The following RNF17 variants were observed in gnomAD, a reference collection of about 807,000 sequenced individuals.
RNF17 encodes the protein ring finger protein 17, also known as spermatogenesis associated 23.
RNF17 carries 31 observed loss-of-function variants against 200.5 expected under a neutral mutation model. The observed-to-expected ratio is 0.15, with a 90% CI of 0.12 to 0.21. The LOEUF (loss-of-function observed/expected upper bound fraction) is 0.21, where lower values mean the gene tolerates loss of function less well. RNF17 is among the 10% of genes least tolerant of loss of function. The probability of loss-of-function intolerance (pLI) is 1.00; values close to 1 mark genes in which losing one functional copy is unlikely to be tolerated. For missense variants in RNF17, 1,628 were observed against 1,905.1 expected, an observed-to-expected ratio of 0.85 and a Z score of 2.71; for synonymous variants, 606 against 637.8, an observed-to-expected ratio of 0.95 and a Z score of 0.75.
intron 2 of RNF17, among the ~76,000 whole-genome samples, chr13:24,773,226 A>G (rs2137499257): frequency 6.6e-6 from 1 of 152,330 alleles, no homozygotes; most frequent in South Asian, 2.1e-4. Flanking sequence ...AAAATAAATT[A>G]TTCTGCCAAA....
chr13:24,799,380 T>A lies in RNF17; in HGVS notation c.1400-15T>A. 7.6e-6 allele frequency: 12 copies of A among 1,581,012 alleles called. No individual in the cohort carries two copies. Among genetic ancestry groups the A allele is most frequent in the Non-Finnish European group, 8.6e-6 (10 of 1,158,662 alleles). On this transcript the variant is annotated splice_polypyrimidine_tract_variant and intron_variant, in intron 11 of 35. Transcript: ENST00000255324. ...TGATAAATGTTTATAACGATTTGTT[T>A]CCCTCATTATTTAGGTGCAAGAATA... is the stretch of plus-strand genomic sequence containing the variant.
intron 2 of RNF17, among the ~76,000 whole-genome samples, chr13:24,771,638 CTTTTTT>C (rs11361522): frequency 7.1e-6 from 1 of 140,568 alleles, no homozygotes; most frequent in African/African-American, 2.6e-5. Flanking sequence ...CTAGGTAGGG[CTTTTTT>C]TTTTTTTTCT....
intron 5 of RNF17, among the ~76,000 whole-genome samples, chr13:24,781,485 A>T (rs1000881931): frequency 2.6e-5 from 4 of 151,874 alleles, no homozygotes; most frequent in East Asian, 1.9e-4. Context: ...CCAAAAAAAA[A>T]ATTAGTTGGA....
intron 7 of RNF17, 21 bp from the exon 8 acceptor site, chr13:24,789,327 G>A (rs1407127843): frequency 6.8e-7 from 1 of 1,476,746 alleles, no homozygotes. Flanking sequence ...ACACATGAAT[G>A]ATTTTTTTTT....
intron 18 of RNF17, among the ~76,000 whole-genome samples, chr13:24,838,046 A>G (rs1890198078): frequency 6.6e-6 from 1 of 152,160 alleles, no homozygotes; most frequent in Non-Finnish European, 1.5e-5. Flanking sequence ...AAGATCATTC[A>G]AGGCTGCTAT....
chr13:24,874,436 G>C lies in RNF17; in HGVS notation c.4583+187G>C, dbSNP rs552405101. Among the ~76,000 whole-genome samples the C allele has an allele frequency of 2.1e-5, 3 of 143,960 alleles. No homozygotes were observed. In the South Asian group the frequency reaches 6.7e-4, roughly 32 times the overall value. The allele number at this position is 143,960 out of a possible 152,430, so 94.4% of individuals were successfully genotyped here. Reference sequence around the variant, plus strand: ...TAGCTTTTTTTTTTTTTTTAGATGAGTCTTGCTCTGTTGCCCAGGCTGGAG... The same window carrying C: ...TAGCTTTTTTTTTTTTTTTAGATGACTCTTGCTCTGTTGCCCAGGCTGGAG... On this transcript the variant is annotated intron_variant, in intron 33 of 35. Coordinates refer to ENST00000255324, the MANE Select transcript of RNF17 (RefSeq NM_031277.3).
At chr13:24,836,666 T>A (rs758655320) in intron 18 of RNF17, among the ~76,000 whole-genome samples, 6 of 152,158 alleles carry the variant, frequency 3.9e-5, no homozygotes, top group Non-Finnish European at 8.8e-5. Context: ...GCTGAGAGAA[T>A]TCGCCATTAC....
Position 24,789,766 on chromosome 13 carries a change from C to T in RNF17, c.929C>T (p.Ser310Leu), listed in dbSNP as rs1262992111. 3 of 1,561,818 alleles carry T rather than the reference C, an allele frequency of 1.9e-6. No homozygotes were observed. The highest frequency in any genetic ancestry group is 2.6e-6 in the Non-Finnish European group (3 of 1,133,320). Reference protein sequence around the residue: ...NNMGKIEFRDSTKCYPQENEI... With the variant: ...NNMGKIEFRDLTKCYPQENEI... Reference sequence around the variant, plus strand: ...ATGGGAAAGATTGAATTTAGGGACTCAACAAAGTAAGTATTTATAAGCATG... The same window carrying T: ...ATGGGAAAGATTGAATTTAGGGACTTAACAAAGTAAGTATTTATAAGCATG... Residue 310 changes from serine to leucine, a missense_variant, in exon 9 of 36, where the codon TCA (serine) becomes TTA (leucine). Physicochemically the swap from Ser to Leu is moderately radical, Grantham distance 145. Coordinates refer to ENST00000255324, the MANE Select transcript of RNF17 (RefSeq NM_031277.3).
chr13:24,821,634 C>G lies in RNF17; in HGVS notation c.2092-3985C>G, dbSNP rs137961190. Reference sequence around the variant, plus strand: ...CACTCAATGCTGCTTTTGAACCCCTCTATTGAATTTTTTCTCCTTAGTTAT... The same window carrying G: ...CACTCAATGCTGCTTTTGAACCCCTGTATTGAATTTTTTCTCCTTAGTTAT... On this transcript the variant is annotated intron_variant, in intron 15 of 35. Transcript: ENST00000255324. Among the ~76,000 whole-genome samples the G allele has an allele frequency of 4.6e-5, 7 of 152,230 alleles. No individual in the cohort carries two copies. The East Asian group carries it at 1.3e-3, about 29-fold the overall frequency.
At chr13:24,864,022 G>C (rs556865282) in intron 28 of RNF17, among the ~76,000 whole-genome samples, 89 of 152,306 alleles carry the variant, frequency 5.8e-4, no homozygotes, top group African/African-American at 2.1e-3. Flanking sequence ...GTGGGAAAGA[G>C]AAAATAAACT....
intron 32 of RNF17, among the ~76,000 whole-genome samples, 175 bp from the exon 33 acceptor site, chr13:24,873,939 T>A (rs183178411): frequency 2.6e-5 from 4 of 152,348 alleles, no homozygotes; most frequent in Non-Finnish European, 5.9e-5. Context: ...TCACCACATT[T>A]TCTTTATCCA....
chr13:24,759,485 ATTAG>A (rs1878506777), upstream of RNF17, among the ~76,000 whole-genome samples: 1 of 152,220 alleles, frequency 6.6e-6, no homozygotes, highest in Non-Finnish European at 1.5e-5. Flanking sequence ...CACATTCTAA[ATTAG>A]TTAAACAGAG....
the RNF17 span, chr13:24,751,641 G>A: frequency 6.6e-6 from 1 of 151,942 alleles, no homozygotes; most frequent in Non-Finnish European, 1.5e-5. Flanking sequence ...TCTAGTTTAC[G>A]GCATGAATCA....
At chr13:24,769,988 A>G (rs1448290912) in intron 2 of RNF17, among the ~76,000 whole-genome samples, 1 of 152,184 alleles carries the variant, frequency 6.6e-6, no homozygotes, top group Non-Finnish European at 1.5e-5. Context: ...CAACGATAGG[A>G]TTATACCTAG....
At chr13:24,880,540 A>G (rs1953786392), downstream of RNF17, among the ~76,000 whole-genome samples, 1 of 152,226 alleles carries the variant, frequency 6.6e-6, no homozygotes, top group Non-Finnish European at 1.5e-5. Flanking sequence ...CTGCTGTCAC[A>G]CAATTTTTAT....
chr13:24,885,712 T>C, the RNF17 span: 1 of 1,401,970 alleles, frequency 7.1e-7, no homozygotes, highest in Non-Finnish European at 1.0e-6. Context: ...TAATATTTAA[T>C]TGAAAATTTT....
At chr13:24,844,558 G>C in intron 20 of RNF17, 94 bp from the exon 21 acceptor site, 1 of 982,366 alleles carries the variant, frequency 1.0e-6, no homozygotes, top group South Asian at 1.7e-5. Context: ...AGCTTGGCTG[G>C]AGCGGAATGA....
intron 16 of RNF17, among the ~76,000 whole-genome samples, chr13:24,827,718 CAA>C (rs1250308715): frequency 5.5e-5 from 3 of 54,658 alleles, no homozygotes; most frequent in East Asian, 1.1e-3. Context: ...AAAAAAAAAA[CAA>C]AAAAAAAAAA....
chr13:24,776,958 T>TA, intron 3 of RNF17, among the ~76,000 whole-genome samples: 1 of 152,366 alleles, frequency 6.6e-6, no homozygotes, highest in Non-Finnish European at 1.5e-5. Flanking sequence ...AGTGAAATTT[T>TA]ACTTTCAGAG....
Sources: allele counts gnomAD v4.1 joint callset (sites outside exome capture counted in the v4.1 genomes callset), GRCh38; gene constraint gnomAD v4.1.1; transcripts MANE v1.5; gene names NCBI Gene and HGNC (gene_info 2026-07-23, HGNC 2026-07-21).